The following C6 variants were observed in gnomAD, a reference collection of about 807,000 sequenced individuals.
The protein encoded by C6 is complement component C6.
In C6, 101 loss-of-function variants were observed where a neutral mutation model predicts 112.9. The ratio of observed to expected loss-of-function variants is 0.89; its 90% confidence interval spans 0.76 to 1.06. The LOEUF (loss-of-function observed/expected upper bound fraction) is 1.06, where lower values mean the gene tolerates loss of function less well. C6 is among the 50% of genes least tolerant of loss of function. The probability of loss-of-function intolerance (pLI) is 0.00; values close to 1 mark genes in which losing one functional copy is unlikely to be tolerated. For synonymous variants in C6, 431 were observed against 384.1 expected (o/e 1.12, Z -1.43); for missense variants, 1,202 against 1,104.6 (o/e 1.09, Z -1.25).
intron 13 of C6, among the ~76,000 whole-genome samples, chr5:41,156,088 A>T (rs1746877097): frequency 6.6e-6 from 1 of 152,034 alleles, no homozygotes; most frequent in Non-Finnish European, 1.5e-5. Flanking sequence ...TTAGTTTGGA[A>T]TATTTATTTT....
At chr5:41,222,035 G>A (rs112432649) in intron 1 of C6, among the ~76,000 whole-genome samples, 11,641 of 151,438 alleles carry the variant, frequency 0.077, 739 homozygotes, top group African/African-American at 0.17. Flanking sequence ...GCATGGTGGC[G>A]GGCACCTGTA....
chr5:41,247,707 G>A (rs1741107897), intron 1 of C6, among the ~76,000 whole-genome samples: 1 of 142,170 alleles, frequency 7.0e-6, no homozygotes, highest in Non-Finnish European at 1.5e-5. Flanking sequence ...GACAGAGTGA[G>A]ACTCCATCTC....
At position 41,159,247 on chromosome 5, in the gene C6, AC is replaced by A. The variant is rs1561106885; in HGVS notation, c.1690del (p.Val564Ter). ...KQSPDYKSNA[V>X]DGQWGCWSSW... is the part of the protein sequence containing the mutation. ...AGACCAACAACCCCACTGTCCGTCT[AC>A]TGCATCTGGAACAAAGGAAGACTCA... On this transcript the variant is annotated frameshift_variant, in exon 12 of 18. Transcript: ENST00000337836. LOFTEE classifies it high-confidence loss of function. 1.2e-6 allele frequency: 2 copies of A among 1,613,124 alleles called. No individual in the cohort carries two copies. Among genetic ancestry groups the A allele is most frequent in the Non-Finnish European group, 1.7e-6 (2 of 1,179,524 alleles).
Position 41,203,071 on chromosome 5 carries a change from A to T in C6, c.143+17T>A. 1 of 1,613,608 alleles carries T rather than the reference A, an allele frequency of 6.2e-7. No homozygotes were observed. Among genetic ancestry groups the T allele is most frequent in the Non-Finnish European group, 8.5e-7 (1 of 1,179,810 alleles). On this transcript the variant is annotated intron_variant, in intron 2 of 17. Transcript: ENST00000337836. ...TCCTTCCAGGACACAAAGAAAAGCC[A>T]CAAAGCTCACACCCACCTGTGTCTG...
intron 1 of C6, among the ~76,000 whole-genome samples, chr5:41,219,425 G>T (rs573580344): frequency 2.6e-5 from 4 of 152,212 alleles, no homozygotes; most frequent in Non-Finnish European, 5.9e-5. Flanking sequence ...AGCGCCCTTT[G>T]TTCTCTGGGG....
intron 14 of C6, 91 bp downstream of exon 14, chr5:41,154,881 G>T: frequency 3.1e-6 from 4 of 1,293,552 alleles, no homozygotes; most frequent in Non-Finnish European, 4.5e-6. Context: ...CTAGTAAAAT[G>T]TATTGATCTA....
At chr5:41,205,527 AGGC>A (rs1255209065) in intron 1 of C6, among the ~76,000 whole-genome samples, 2 of 152,172 alleles carry the variant, frequency 1.3e-5, no homozygotes, top group African/African-American at 4.8e-5. Flanking sequence ...CACCCTAATG[AGGC>A]ACATTTCCAA....
At position 41,174,703 on chromosome 5, in the gene C6, A is replaced by T. The variant is rs188427665; in HGVS notation, c.1168+1772T>A. ...TGTTTTCTTTTTCTTGAGGGAAAGA[A>T]AGTACTATGAAATATTCAAGTCATT... is the stretch of plus-strand genomic sequence containing the variant. On this transcript the variant is annotated intron_variant, in intron 8 of 17. Transcript: ENST00000337836. Among the ~76,000 whole-genome samples the T allele has an allele frequency of 5.3e-5, 8 of 152,352 alleles. No homozygotes were observed. The East Asian group carries it at 1.4e-3, about 26-fold the overall frequency.
chr5:41,198,119 T>G (rs1433549967), intron 4 of C6, among the ~76,000 whole-genome samples: 1 of 152,148 alleles, frequency 6.6e-6, no homozygotes, highest in Non-Finnish European at 1.5e-5. Context: ...ACATAATGGG[T>G]AACTCTTAAA....
intron 6 of C6, among the ~76,000 whole-genome samples, chr5:41,185,056 T>C (rs1749663244): frequency 6.6e-6 from 1 of 152,182 alleles, no homozygotes; most frequent in South Asian, 2.1e-4. Flanking sequence ...ATTGGTTGTT[T>C]TGGAACTGGA....
At chr5:41,193,864 G>T (rs1490643579) in intron 5 of C6, among the ~76,000 whole-genome samples, 1 of 148,380 alleles carries the variant, frequency 6.7e-6, no homozygotes, top group African/African-American at 2.5e-5. Context: ...AGATTCTAAG[G>T]CCAGCAGATT....
chr5:41,241,341 A>G (rs1180184692), intron 1 of C6, among the ~76,000 whole-genome samples: 2 of 152,176 alleles, frequency 1.3e-5, no homozygotes, highest in Admixed American at 6.5e-5. Flanking sequence ...ATAAAATTTT[A>G]TGAGCTTATA....
At chr5:41,163,959 T>C (rs1450207690) in intron 9 of C6, among the ~76,000 whole-genome samples, 4 of 152,172 alleles carry the variant, frequency 2.6e-5, no homozygotes, top group African/African-American at 9.7e-5. Context: ...CAATAATTTG[T>C]TGAGAATCTT....
At chr5:41,179,474 C>G (rs1749139326) in intron 7 of C6, among the ~76,000 whole-genome samples, 5 of 151,658 alleles carry the variant, frequency 3.3e-5, no homozygotes, top group Non-Finnish European at 1.5e-5. Flanking sequence ...AGCTAGGGAG[C>G]TAAAAATAAA....
chr5:41,143,464 A>G (rs1412193432), intron 17 of C6, among the ~76,000 whole-genome samples: 2 of 152,116 alleles, frequency 1.3e-5, no homozygotes, highest in East Asian at 3.9e-4. Context: ...TTTTATTTTT[A>G]TTTTTAACAT....
At chr5:41,247,579 A>C (rs964997869) in intron 1 of C6, among the ~76,000 whole-genome samples, 7 of 151,964 alleles carry the variant, frequency 4.6e-5, no homozygotes, top group Non-Finnish European at 8.8e-5. Flanking sequence ...TTAGCTGGGC[A>C]TTGTGGCGGG....
chr5:41,256,745 T>C lies in C6; in HGVS notation c.-21+4449A>G, dbSNP rs141551772. Among the ~76,000 whole-genome samples the C allele has an allele frequency of 9.2e-3, 1,397 of 152,304 alleles. 13 individuals carry two copies. The highest frequency in any genetic ancestry group is 0.024 in the Middle Eastern group (7 of 294). On this transcript the variant is annotated intron_variant, in intron 1 of 17. Coordinates refer to the C6 transcript ENST00000263413. Reference sequence around the variant, plus strand: ...AAGCCAACCTTCTTTTTTTCTGGAATATCTGTACCTTACGAGCAGATTGAG... The same window carrying C: ...AAGCCAACCTTCTTTTTTTCTGGAACATCTGTACCTTACGAGCAGATTGAG...
chr5:41,224,867 G>C (rs1387151070), intron 1 of C6, among the ~76,000 whole-genome samples: 1 of 152,090 alleles, frequency 6.6e-6, no homozygotes, highest in East Asian at 1.9e-4. Context: ...ATTTCTACCA[G>C]CAAGGTATTA....
chr5:41,243,823 A>T (rs189400083), intron 1 of C6, among the ~76,000 whole-genome samples: 40 of 152,154 alleles, frequency 2.6e-4, no homozygotes, highest in African/African-American at 8.2e-4. Context: ...TCAAACTTGG[A>T]CAGCTGGGGA....
Sources: gnomAD v4.1 joint callset for allele counts (sites outside exome capture counted in the v4.1 genomes callset) on GRCh38, gnomAD v4.1.1 for gene constraint, MANE v1.5 for transcripts, NCBI Gene and HGNC (gene_info 2026-07-23, HGNC 2026-07-21) for gene names.